Variants in HSP90AA1 observed in about 807,000 individuals in gnomAD.
HSP90AA1 encodes heat shock protein 90 alpha family class A member 1, also known as heat shock protein HSP 90-alpha.
A neutral mutation model predicts 73.3 loss-of-function variants in HSP90AA1; 18 were observed. The observed-to-expected ratio is 0.25, with a 90% confidence interval of 0.17 to 0.36. The LOEUF (loss-of-function observed/expected upper bound fraction) is 0.36. HSP90AA1 is among the 10% of genes least tolerant of loss of function. The probability of loss-of-function intolerance (pLI) is 1.00; values close to 1 mark genes in which losing one functional copy is unlikely to be tolerated. For missense variants in HSP90AA1, 704 were observed against 874.2 expected (o/e 0.81, Z 2.45); for synonymous variants, 477 against 296.9 (o/e 1.61, Z -6.24).
At chr14:102,086,911 G>A in intron 1 of HSP90AA1, 75 bp downstream of exon 1, 1 of 864,366 alleles carries the variant, frequency 1.2e-6, no homozygotes. Context: ...GGCCCCCACA[G>A]CCTCCGCCCC....
chr14:102,099,487 G>A (rs2049466311), intron 2 of HSP90AA1, among the ~76,000 whole-genome samples: 1 of 152,190 alleles, frequency 6.6e-6, no homozygotes, highest in Non-Finnish European at 1.5e-5. Flanking sequence ...GGATCTGGGA[G>A]GCAGAGGTTG....
chr14:102,093,366 G>A (rs1018821952), intron 2 of HSP90AA1, among the ~76,000 whole-genome samples: 1 of 151,486 alleles, frequency 6.6e-6, no homozygotes, highest in African/African-American at 2.4e-5. Context: ...AAAATTAGCT[G>A]GGCGTGGTGG....
chr14:102,128,141 G>A (rs2049860444), intron 1 of HSP90AA1, among the ~76,000 whole-genome samples: 1 of 152,198 alleles, frequency 6.6e-6, no homozygotes, highest in Non-Finnish European at 1.5e-5. Context: ...CTGGAGCAGG[G>A]TGTCCTAGAG....
chr14:102,138,583 T>C (rs753929869), intron 1 of HSP90AA1, among the ~76,000 whole-genome samples: 1 of 152,222 alleles, frequency 6.6e-6, no homozygotes, highest in Non-Finnish European at 1.5e-5. Flanking sequence ...GCACAGTTTC[T>C]ATTGGTATCT....
In HSP90AA1 at chr14:102,081,043, CA is replaced by C; in HGVS notation, c.*668del. The C allele has an allele frequency of 4.4e-6, 1 of 227,752 alleles. No individual in the cohort carries two copies. The highest frequency in any genetic ancestry group is 8.7e-6 in the Non-Finnish European group (1 of 114,718). 14.1% of individuals were successfully genotyped at this position (227,752 alleles called of 1,614,324 possible). On this transcript the variant is annotated 3_prime_UTR_variant, in exon 11 of 11. Transcript: ENST00000216281. Reference sequence around the variant, plus strand: ...TCCCCCTAAATAAGACACTGTCACACAATATCTTTTAACTCATCTGTATTTG... The same window carrying C: ...TCCCCCTAAATAAGACACTGTCACACATATCTTTTAACTCATCTGTATTTG...
chr14:102,102,115 T>G (rs1454378366), intron 1 of HSP90AA1: 3 of 1,589,922 alleles, frequency 1.9e-6, no homozygotes, highest in Admixed American at 1.7e-5. Flanking sequence ...CTTCTGGACT[T>G]CCAAACCAAA....
chr14:102,124,190 AT>A (rs35232557), intron 1 of HSP90AA1, among the ~76,000 whole-genome samples: 5,762 of 127,972 alleles, frequency 0.045, 99 homozygotes, highest in Non-Finnish European at 0.06. Context: ...TTGAATGCTA[AT>A]TTTTTTTTTT....
At chr14:102,090,406 C>T (rs11621560), upstream of HSP90AA1, among the ~76,000 whole-genome samples, 2 of 151,568 alleles carry the variant, frequency 1.3e-5, no homozygotes, top group African/African-American at 4.8e-5. Flanking sequence ...CCTGCTTCAC[C>T]GCCTTTTCTG....
chr14:102,110,057 C>A (rs1454629002), intron 1 of HSP90AA1, among the ~76,000 whole-genome samples: 1 of 152,076 alleles, frequency 6.6e-6, no homozygotes, highest in Non-Finnish European at 1.5e-5. Flanking sequence ...CCTCAGCCTC[C>A]TGAGTAGCTG....
rs1339846410 is a variant in HSP90AA1 at position 102,081,350 on chromosome 14, A to T, written c.*362T>A. On this transcript the variant is annotated 3_prime_UTR_variant, in exon 11 of 11. Transcript: ENST00000216281. Reference sequence around the variant, plus strand: ...ACAAGATGTAACGAATACTTTTCTAAACATCAAGATACAGCTCAGAACACT... The same window carrying T: ...ACAAGATGTAACGAATACTTTTCTATACATCAAGATACAGCTCAGAACACT... 1 of 351,708 alleles carries T rather than the reference A, an allele frequency of 2.8e-6. No homozygotes were observed. Among genetic ancestry groups the T allele is most frequent in the African/African-American group, 2.1e-5 (1 of 48,678 alleles). The allele number at this position is 351,708 out of a possible 1,614,324, so 21.8% of individuals were successfully genotyped here.
At chr14:102,128,817 A>C (rs1009466012) in intron 1 of HSP90AA1, among the ~76,000 whole-genome samples, 2 of 149,682 alleles carry the variant, frequency 1.3e-5, no homozygotes, top group African/African-American at 5.1e-5. Flanking sequence ...AAAGAAAGAA[A>C]AGAAGAGAAG....
intron 2 of HSP90AA1, among the ~76,000 whole-genome samples, chr14:102,100,021 T>C (rs2049473485): frequency 6.6e-6 from 1 of 151,974 alleles, no homozygotes; most frequent in Admixed American, 6.6e-5. Flanking sequence ...CTCTCATCTT[T>C]ACAAAAAATA....
At chr14:102,112,900 A>G (rs1190160431) in intron 1 of HSP90AA1, among the ~76,000 whole-genome samples, 3 of 152,224 alleles carry the variant, frequency 2.0e-5, no homozygotes, top group African/African-American at 7.2e-5. Flanking sequence ...TTCTTATTTC[A>G]TAGATGCAAT....
chr14:102,119,698 A>G lies in HSP90AA1; in HGVS notation c.156-17613T>C, dbSNP rs181632853. Among the ~76,000 whole-genome samples the G allele has an allele frequency of 4.0e-3, 613 of 152,228 alleles. 3 individuals carry two copies. The highest frequency in any genetic ancestry group is 7.4e-3 in the Admixed American group (113 of 15,276). On this transcript the variant is annotated intron_variant, in intron 1 of 11. Transcript: ENST00000334701. ...GAGACAGGGTTTCACCATGTTGGCCAGGGTGGTCTCGATCTCCTGACCTTG... is the reference window on the plus strand; with the variant it reads ...GAGACAGGGTTTCACCATGTTGGCCGGGGTGGTCTCGATCTCCTGACCTTG...
rs2049093310 is a variant in HSP90AA1, at chr14:102,081,331, TG to T, written c.*380del. ...AGTTCAAAAAGTAGATCCTACAAGA[TG>T]TAACGAATACTTTTCTAAACATCAA... is the stretch of plus-strand genomic sequence containing the variant. On this transcript the variant is annotated 3_prime_UTR_variant, in exon 11 of 11. Coordinates refer to ENST00000216281, the MANE Select transcript of HSP90AA1 (RefSeq NM_005348.4). 1 of 330,178 alleles carries T rather than the reference TG, an allele frequency of 3.0e-6. No individual in the cohort carries two copies. The highest frequency in any genetic ancestry group is 5.6e-6 in the Non-Finnish European group (1 of 177,202). The allele number at this position is 330,178 out of a possible 1,614,324, so 20.5% of individuals were successfully genotyped here.
chr14:102,088,044 C>T (rs2049292420), upstream of HSP90AA1, among the ~76,000 whole-genome samples: 1 of 147,336 alleles, frequency 6.8e-6, no homozygotes, highest in Admixed American at 7.0e-5. Context: ...CCCTCCCGGG[C>T]TCAGGTGATC....
chr14:102,110,639 G>A (rs988912394), intron 1 of HSP90AA1, among the ~76,000 whole-genome samples: 1 of 150,672 alleles, frequency 6.6e-6, no homozygotes, highest in Non-Finnish European at 1.5e-5. Context: ...GGGTGCAGTG[G>A]CACGATCTTG....
Position 102,082,824 on chromosome 14 carries a change from G to C in HSP90AA1, c.1755+210C>G, listed in dbSNP as rs547414476. The C allele has an allele frequency of 4.1e-4, 242 of 594,170 alleles. 1 individual carries two copies. The African/African-American group carries it at 4.1e-3, about 10-fold the overall frequency. The allele number at this position is 594,170 out of a possible 1,614,324, so 36.8% of individuals were successfully genotyped here. ...TTTAGTAGAGACTGAGTTTCACCGT[G>C]TTAGCCAGGATGGTCTCGATCTCCT... is the stretch of plus-strand genomic sequence containing the variant. On this transcript the variant is annotated intron_variant, in intron 9 of 10. Coordinates refer to ENST00000216281, the MANE Select transcript of HSP90AA1 (RefSeq NM_005348.4).
chr14:102,105,557 C>T (rs556569398), intron 1 of HSP90AA1, among the ~76,000 whole-genome samples: 4 of 152,238 alleles, frequency 2.6e-5, no homozygotes, highest in African/African-American at 9.6e-5. Context: ...TAGGTGCTAG[C>T]GGTGGCTAGA....
Sources: gnomAD v4.1 joint callset for allele counts (sites outside exome capture counted in the v4.1 genomes callset) on GRCh38, gnomAD v4.1.1 for gene constraint, MANE v1.5 for transcripts, NCBI Gene and HGNC (gene_info 2026-07-23, HGNC 2026-07-21) for gene names.